The following PTAR1 variants were observed in gnomAD, a reference collection of about 807,000 sequenced individuals.
PTAR1 encodes protein prenyltransferase alpha subunit repeat containing 1, also known as protein prenyltransferase alpha subunit repeat-containing protein 1.
Under a neutral mutation model 45.5 loss-of-function variants are expected in PTAR1, and 17 were observed. That is an observed-to-expected ratio of 0.37 (90% CI 0.26 to 0.56). The LOEUF is 0.56. Among genes scored for constraint, PTAR1 ranks in the 20% least tolerant of loss-of-function variants. PTAR1 has a pLI of 0.77. For synonymous variants in PTAR1, 169 were observed against 171.3 expected (o/e 0.99, Z 0.11); for missense variants, 391 against 476.3 (o/e 0.82, Z 1.67).
chr9:69,743,826 C>A (rs1327765502), intron 2 of PTAR1, among the ~76,000 whole-genome samples: 1 of 152,054 alleles, frequency 6.6e-6, no homozygotes, highest in Non-Finnish European at 1.5e-5. Context: ...TCTAGGTTAT[C>A]TTCAAGTTGG....
At chr9:69,745,822 C>T (rs889251351) in intron 2 of PTAR1, among the ~76,000 whole-genome samples, 22 of 152,206 alleles carry the variant, frequency 1.4e-4, no homozygotes, top group African/African-American at 5.3e-4. Flanking sequence ...CAGTCTCTGA[C>T]ATACAGTAAG....
At chr9:69,743,960 GTAAA>G (rs2134144386) in intron 2 of PTAR1, among the ~76,000 whole-genome samples, 1 of 152,296 alleles carries the variant, frequency 6.6e-6, no homozygotes, top group African/African-American at 2.4e-5. Flanking sequence ...ATGGAAGACT[GTAAA>G]TAAATAAAGT....
intron 2 of PTAR1, among the ~76,000 whole-genome samples, chr9:69,745,863 G>A (rs1826252270): frequency 6.6e-6 from 1 of 152,232 alleles, no homozygotes; most frequent in Admixed American, 6.5e-5. Flanking sequence ...TACAAAGCCT[G>A]TATTTTCTAG....
chr9:69,752,884 G>A (rs555170338), intron 1 of PTAR1, among the ~76,000 whole-genome samples: 1 of 152,088 alleles, frequency 6.6e-6, no homozygotes, highest in East Asian at 1.9e-4. Context: ...GCCATATCTA[G>A]CTATACTTGA....
At chr9:69,725,596 GA>G (rs138623845) in intron 5 of PTAR1, among the ~76,000 whole-genome samples, 5 of 149,404 alleles carry the variant, frequency 3.3e-5, no homozygotes, top group African/African-American at 7.4e-5. Context: ...TCTCAAAAAA[GA>G]AAAAAAATAT....
intron 3 of PTAR1, among the ~76,000 whole-genome samples, chr9:69,734,632 G>A (rs1825699844): frequency 1.3e-5 from 2 of 151,918 alleles, no homozygotes; most frequent in South Asian, 4.1e-4. Flanking sequence ...TCCAATACCA[G>A]CCAAAATTGG....
intron 1 of PTAR1, among the ~76,000 whole-genome samples, chr9:69,759,006 ATCTC>A (rs56932168): frequency 1.1e-4 from 17 of 151,398 alleles, no homozygotes; most frequent in South Asian, 4.2e-4. Flanking sequence ...TATAATGTAG[ATCTC>A]TCTCTCTCTC....
At chr9:69,730,241 T>C (rs1825473868) in intron 5 of PTAR1, among the ~76,000 whole-genome samples, 1 of 152,088 alleles carries the variant, frequency 6.6e-6, no homozygotes, top group Admixed American at 6.6e-5. Flanking sequence ...TGATGACATC[T>C]GAACCCAGGA....
chr9:69,759,573 G>A (rs986183976), intron 1 of PTAR1, among the ~76,000 whole-genome samples: 29 of 152,284 alleles, frequency 1.9e-4, no homozygotes, highest in African/African-American at 6.7e-4. Flanking sequence ...CTGGAGTTTC[G>A]TGAACTCCTA....
At chr9:69,756,420 C>G (rs75554496) in intron 1 of PTAR1, among the ~76,000 whole-genome samples, 1 of 152,136 alleles carries the variant, frequency 6.6e-6, no homozygotes, top group Admixed American at 6.5e-5. Context: ...AGGATAGGGA[C>G]CATGTGTGGT....
At chr9:69,758,128 CCTTT>C (rs1826874935) in intron 1 of PTAR1, 2 of 152,084 alleles carry the variant, frequency 1.3e-5, no homozygotes, top group Non-Finnish European at 2.9e-5. Context: ...GCATTAAAGT[CCTTT>C]AAGAGTTTCC....
chr9:69,746,945 A>G (rs1826300271), intron 2 of PTAR1, among the ~76,000 whole-genome samples: 1 of 152,212 alleles, frequency 6.6e-6, no homozygotes, highest in Non-Finnish European at 1.5e-5. Flanking sequence ...TTAAATCAGT[A>G]ATTCTTTTCC....
chr9:69,735,162 T>C lies in PTAR1; in HGVS notation c.324-908A>G, dbSNP rs938654909. The stretch of plus-strand genomic sequence containing the variant: ...ATATAAGCAGCAGAAGTAATAGCAA[T>C]GTAATGTTTTGGTTGTTTTTAAAAC... On this transcript the variant is annotated intron_variant, in intron 3 of 7. Transcript: ENST00000340434. 1.4e-4 allele frequency among the ~76,000 whole-genome samples: 21 copies of C among 152,152 alleles called. 1 individual carries two copies. Among genetic ancestry groups the C allele is most frequent in the Non-Finnish European group, 1.5e-5 (1 of 68,024 alleles).
At chr9:69,722,284 G>A (rs1825046854) in intron 6 of PTAR1, among the ~76,000 whole-genome samples, 1 of 152,132 alleles carries the variant, frequency 6.6e-6, no homozygotes, top group African/African-American at 2.4e-5. Context: ...CAATGCTATG[G>A]CCTAAAGTAG....
intron 3 of PTAR1, among the ~76,000 whole-genome samples, chr9:69,738,095 T>C (rs1469699961): frequency 6.6e-6 from 1 of 152,214 alleles, no homozygotes; most frequent in African/African-American, 2.4e-5. Flanking sequence ...TATGTCTCCT[T>C]ATGCTCCTCT....
intron 2 of PTAR1, 66 bp from the exon 3 acceptor site, chr9:69,741,924 T>A (rs1712292371): frequency 1.0e-6 from 1 of 977,932 alleles, no homozygotes; most frequent in Admixed American, 2.1e-5. Context: ...CTTCTCATTC[T>A]TTTAAGGTTC....
At chr9:69,729,239 G>A (rs1588454769) in intron 5 of PTAR1, among the ~76,000 whole-genome samples, 1 of 152,170 alleles carries the variant, frequency 6.6e-6, no homozygotes, top group African/African-American at 2.4e-5. Flanking sequence ...AGAATCGCTT[G>A]AACCTGGGAA....
At chr9:69,724,238 C>T (rs1825161127) in intron 5 of PTAR1, among the ~76,000 whole-genome samples, 1 of 152,124 alleles carries the variant, frequency 6.6e-6, no homozygotes. Flanking sequence ...CTGTCTCAAA[C>T]TTACTTAACA....
At chr9:69,754,608 C>T (rs2134173405) in intron 1 of PTAR1, among the ~76,000 whole-genome samples, 1 of 139,044 alleles carries the variant, frequency 7.2e-6, no homozygotes, top group Non-Finnish European at 1.5e-5. Context: ...TGGTGCAATC[C>T]TCACTCACTG....
Sources: allele counts gnomAD v4.1 joint callset (sites outside exome capture counted in the v4.1 genomes callset), GRCh38; gene constraint gnomAD v4.1.1; transcripts MANE v1.5; gene names NCBI Gene and HGNC (gene_info 2026-07-23, HGNC 2026-07-21).